CASD1: variants seen among roughly 807,000 people sequenced by gnomAD.
CASD1 encodes N-acetylneuraminate (7)9-O-acetyltransferase.
Under a neutral mutation model 100.0 loss-of-function variants are expected in CASD1, and 41 were observed. That is an observed-to-expected ratio of 0.41 (90% CI 0.32 to 0.53). The LOEUF (loss-of-function observed/expected upper bound fraction) is 0.53. Among genes scored for constraint, CASD1 ranks in the 20% least tolerant of loss-of-function variants. The pLI is 0.25. For missense variants in CASD1, 774 were observed against 948.7 expected (o/e 0.82, Z 2.42); for synonymous variants, 321 against 315.6 (o/e 1.02, Z -0.18).
chr7:94,583,647 T>A, the CASD1 span, among the ~76,000 whole-genome samples: 1 of 152,164 alleles, frequency 6.6e-6, no homozygotes, highest in Admixed American at 6.5e-5. Flanking sequence ...AGGGGATATT[T>A]GGAATCTAAA....
the CASD1 span, among the ~76,000 whole-genome samples, chr7:94,574,758 CAGG>C: frequency 6.6e-6 from 1 of 151,880 alleles, no homozygotes; most frequent in African/African-American, 2.4e-5. Context: ...ATCATGAGAT[CAGG>C]AGATCAAGAC....
intron 5 of CASD1, among the ~76,000 whole-genome samples, chr7:94,531,157 TA>T (rs1794832745): frequency 6.6e-6 from 1 of 152,022 alleles, no homozygotes; most frequent in East Asian, 1.9e-4. Context: ...TTTTTGAGGA[TA>T]AGGATGATTT....
At chr7:94,630,894 T>C in the CASD1 span, among the ~76,000 whole-genome samples, 242 of 152,088 alleles carry the variant, frequency 1.6e-3, no homozygotes, top group African/African-American at 5.7e-3. Context: ...GCAAGATCAC[T>C]GAACTACATT....
the CASD1 span, chr7:94,621,893 C>T: frequency 1.3e-5 from 2 of 152,148 alleles, no homozygotes; most frequent in Non-Finnish European, 2.9e-5. Flanking sequence ...AGTCTTCAGT[C>T]CAGGCCCACA....
the CASD1 span, chr7:94,587,666 G>A: frequency 6.6e-7 from 1 of 1,521,364 alleles, no homozygotes; most frequent in African/African-American, 1.4e-5. Context: ...ATATTGAACA[G>A]TCTTGTTGAA....
chr7:94,613,796 A>G, the CASD1 span, among the ~76,000 whole-genome samples: 1 of 152,188 alleles, frequency 6.6e-6, no homozygotes, highest in African/African-American at 2.4e-5. Flanking sequence ...TTAGAGAAGA[A>G]TATGTCCATA....
At chr7:94,529,317 C>T (rs1794735618) in intron 5 of CASD1, among the ~76,000 whole-genome samples, 1 of 152,094 alleles carries the variant, frequency 6.6e-6, no homozygotes, top group Non-Finnish European at 1.5e-5. Context: ...CCTGCAAGAT[C>T]ACAGAAAACC....
the CASD1 span, chr7:94,600,904 A>G: frequency 6.2e-6 from 9 of 1,459,048 alleles, no homozygotes; most frequent in Admixed American, 1.3e-4. Flanking sequence ...CGTTGCAAAC[A>G]TTATGAGATT....
At chr7:94,526,999 C>T (rs1199130749) in intron 3 of CASD1, among the ~76,000 whole-genome samples, 163 bp from the exon 4 acceptor site, 10 of 152,046 alleles carry the variant, frequency 6.6e-5, no homozygotes, top group African/African-American at 2.2e-4. Context: ...TGTTCTATGT[C>T]GGTTTTTTCC....
At chr7:94,510,550 A>G (rs1793646538) in intron 1 of CASD1, among the ~76,000 whole-genome samples, 1 of 152,130 alleles carries the variant, frequency 6.6e-6, no homozygotes, top group Admixed American at 6.5e-5. Flanking sequence ...GCTCCAGATC[A>G]GGGGCTCGCG....
chr7:94,531,925 T>C (rs1794869855), intron 5 of CASD1, among the ~76,000 whole-genome samples: 1 of 152,110 alleles, frequency 6.6e-6, no homozygotes, highest in Non-Finnish European at 1.5e-5. Context: ...ATCTTTGTTT[T>C]ATAAGAGATG....
chr7:94,598,657 G>T, the CASD1 span: 2 of 804,662 alleles, frequency 2.5e-6, no homozygotes, highest in Non-Finnish European at 4.4e-6. Context: ...ATGTCCTTTT[G>T]TTATTTTCTC....
intron 10 of CASD1, among the ~76,000 whole-genome samples, chr7:94,543,565 GAA>G (rs1795525133): frequency 6.6e-6 from 1 of 151,782 alleles, no homozygotes; most frequent in East Asian, 1.9e-4. Context: ...TAAGGCAGGA[GAA>G]TTATTTGAAT....
chr7:94,537,014 A>AATAAAT (rs1795155462), intron 8 of CASD1, among the ~76,000 whole-genome samples: 1 of 152,194 alleles, frequency 6.6e-6, no homozygotes, highest in South Asian at 2.1e-4. Context: ...TTTAAACAGT[A>AATAAAT]GACTTTATCT....
chr7:94,581,340 T>C, the CASD1 span, among the ~76,000 whole-genome samples: 49 of 152,340 alleles, frequency 3.2e-4, no homozygotes, highest in African/African-American at 1.2e-3. Context: ...ATTCTTTCAA[T>C]TGACATCAAA....
the CASD1 span, chr7:94,598,644 A>G: frequency 1.3e-6 from 1 of 767,242 alleles, no homozygotes; most frequent in Non-Finnish European, 2.3e-6. Flanking sequence ...TGAGATTTAC[A>G]CAATGTCCTT....
chr7:94,524,054 T>A (rs978482540), intron 3 of CASD1: 3 of 152,020 alleles, frequency 2.0e-5, no homozygotes, highest in African/African-American at 7.2e-5. Flanking sequence ...ATGGATGAGT[T>A]TAAACTTAAA....
the CASD1 span, among the ~76,000 whole-genome samples, chr7:94,595,722 AT>A: frequency 6.6e-6 from 1 of 152,150 alleles, no homozygotes; most frequent in East Asian, 1.9e-4. Flanking sequence ...TAAAAGTTGA[AT>A]TTGCATAAAG....
At chr7:94,552,287 T>C in intron 15 of CASD1, 63 bp from the exon 16 acceptor site, 1 of 1,069,714 alleles carries the variant, frequency 9.3e-7, no homozygotes. Flanking sequence ...AAAAAAACAC[T>C]GTGAGGCTTA....
Sources: gnomAD v4.1 joint callset for allele counts (sites outside exome capture counted in the v4.1 genomes callset) on GRCh38, gnomAD v4.1.1 for gene constraint, MANE v1.5 for transcripts, NCBI Gene and HGNC (gene_info 2026-07-23, HGNC 2026-07-21) for gene names.